The following USP34 variants were observed in gnomAD, a reference collection of about 807,000 sequenced individuals.
USP34 encodes ubiquitin specific peptidase 34.
Under a neutral mutation model 460.3 loss-of-function variants are expected in USP34, and 70 were observed. The ratio of observed to expected loss-of-function variants is 0.15; its 90% CI spans 0.13 to 0.19. The LOEUF (loss-of-function observed/expected upper bound fraction) is 0.19, where lower values mean the gene tolerates loss of function less well. Ranked by LOEUF, USP34 falls within the 10% of genes least tolerant of loss-of-function variation. The pLI, the probability that USP34 is intolerant of heterozygous loss-of-function variation, is 1.00. For synonymous variants in USP34, 1,647 were observed against 1,405.3 expected, an observed-to-expected ratio of 1.17 and a Z score of -3.85; for missense variants, 3,985 against 4,236.2, an observed-to-expected ratio of 0.94 and a Z score of 1.65.
intron 66 of USP34, among the ~76,000 whole-genome samples, chr2:61,220,827 G>C (rs1034800864): frequency 2.0e-5 from 3 of 152,142 alleles, no homozygotes; most frequent in South Asian, 4.2e-4. Flanking sequence ...TACTAAGTGA[G>C]AATACAAGAA....
chr2:61,273,850 G>T (rs1689292048), intron 41 of USP34, among the ~76,000 whole-genome samples: 1 of 151,980 alleles, frequency 6.6e-6, no homozygotes. Flanking sequence ...ATTTGAAAAA[G>T]GAAGCATTTG....
At chr2:61,326,623 C>A (rs1205493388) in intron 20 of USP34, among the ~76,000 whole-genome samples, 1 of 152,026 alleles carries the variant, frequency 6.6e-6, no homozygotes, top group Non-Finnish European at 1.5e-5. Flanking sequence ...AGTACTTGAG[C>A]ACTCAATGAA....
intron 32 of USP34, 90 bp from the exon 33 acceptor site, chr2:61,293,640 T>C: frequency 1.1e-6 from 1 of 874,126 alleles, no homozygotes; most frequent in Non-Finnish European, 1.8e-6. Context: ...ATGTAAAATA[T>C]TACGTATCTT....
At chr2:61,226,903 T>C (rs947768567) in intron 62 of USP34, 164 bp downstream of exon 62, 1 of 838,110 alleles carries the variant, frequency 1.2e-6, no homozygotes, top group Non-Finnish European at 1.7e-6. Context: ...AGTTGATGAA[T>C]AGTAGTATTA....
At chr2:61,229,416 G>C (rs2103826889) in intron 59 of USP34, 132 bp downstream of exon 59, 1 of 564,414 alleles carries the variant, frequency 1.8e-6, no homozygotes, top group South Asian at 3.4e-5. Flanking sequence ...GAACTTACGA[G>C]TTTGAGACCA....
intron 1 of USP34, among the ~76,000 whole-genome samples, chr2:61,446,640 A>G (rs914543878): frequency 6.6e-6 from 1 of 152,072 alleles, no homozygotes. Context: ...TACTAAAAAT[A>G]CAAAAATTAG....
intron 1 of USP34, among the ~76,000 whole-genome samples, chr2:61,445,850 A>C (rs1386229286): frequency 1.3e-5 from 2 of 151,902 alleles, no homozygotes; most frequent in Admixed American, 1.3e-4. Flanking sequence ...CGGGAGCCTG[A>C]GGCAGAAGTA....
chr2:61,451,670 G>A (rs989428426), intron 1 of USP34, among the ~76,000 whole-genome samples: 14 of 147,950 alleles, frequency 9.5e-5, no homozygotes, highest in South Asian at 4.3e-4. Context: ...CAACAAGAGC[G>A]AAACCCCGCC....
At chr2:61,226,012 T>C (rs973069861) in intron 62 of USP34, among the ~76,000 whole-genome samples, 18 of 152,208 alleles carry the variant, frequency 1.2e-4, no homozygotes, top group African/African-American at 4.3e-4. Flanking sequence ...TGGACTGTAA[T>C]GGCTATTCAC....
At chr2:61,321,549 T>C (rs1690923537) in intron 21 of USP34, among the ~76,000 whole-genome samples, 1 of 152,240 alleles carries the variant, frequency 6.6e-6, no homozygotes, top group African/African-American at 2.4e-5. Flanking sequence ...ATCACATTCA[T>C]ACAACATTTT....
intron 10 of USP34, among the ~76,000 whole-genome samples, chr2:61,353,374 G>A (rs1343867044): frequency 1.3e-5 from 2 of 150,552 alleles, no homozygotes; most frequent in Non-Finnish European, 3.0e-5. Context: ...AAGTCCACCT[G>A]TTGCACTTCC....
chr2:61,333,329 G>A (rs1365481901), intron 19 of USP34, among the ~76,000 whole-genome samples: 1 of 152,052 alleles, frequency 6.6e-6, no homozygotes, highest in Admixed American at 6.6e-5. Flanking sequence ...AATATTCGCA[G>A]AATGCATAGC....
chr2:61,390,471 T>G (rs1285606074), intron 5 of USP34, among the ~76,000 whole-genome samples: 1 of 152,232 alleles, frequency 6.6e-6, no homozygotes, highest in East Asian at 1.9e-4. Flanking sequence ...AAGCTGCATT[T>G]GCAAAGTAAG....
At position 61,288,357 on chromosome 2, in the gene USP34, T is replaced by C. The variant is rs532068232; in HGVS notation, c.4749+320A>G. The stretch of plus-strand genomic sequence containing the variant: ...ACACATACGTGTAAAACTGATTCTC[T>C]ATTTTAAATTTCCTATGTTGAAATA... On this transcript the variant is annotated intron_variant, in intron 34 of 79. Transcript: ENST00000398571. Among the ~76,000 whole-genome samples the C allele has an allele frequency of 3.9e-5, 6 of 152,360 alleles. No individual in the cohort carries two copies. In the South Asian group the frequency reaches 1.2e-3, roughly 32 times the overall value.
At chr2:61,232,320 T>C (rs1687930115) in intron 58 of USP34, 132 bp downstream of exon 58, 1 of 742,874 alleles carries the variant, frequency 1.3e-6, no homozygotes, top group Non-Finnish European at 2.2e-6. Flanking sequence ...AAATGACTTT[T>C]ATGATAGGAG....
In USP34 at chr2:61,314,993, G is replaced by T. The variant is rs201078286; in HGVS notation, c.3283-19C>A. 54 of 1,591,352 alleles carry T rather than the reference G, an allele frequency of 3.4e-5. No homozygotes were observed. In the East Asian group the frequency reaches 1.1e-3, roughly 34 times the overall value. On this transcript the variant is annotated intron_variant, in intron 23 of 79. Transcript: ENST00000398571. ...CACACAGCTAAGAAAGAAAAATATG[G>T]TATCTCTAAATTTTGTTTGTCAAAC...
At chr2:61,403,838 A>G (rs1465957721) in intron 3 of USP34, among the ~76,000 whole-genome samples, 1 of 151,704 alleles carries the variant, frequency 6.6e-6, no homozygotes, top group Non-Finnish European at 1.5e-5. Flanking sequence ...AATACAAAGA[A>G]AAAAATTAGC....
In USP34 at chr2:61,188,489, T is replaced by G. The variant is rs745579742; in HGVS notation, c.10254A>C (p.Glu3418Asp). 1 of 1,614,220 alleles carries G rather than the reference T, an allele frequency of 6.2e-7. No individual in the cohort carries two copies. Among genetic ancestry groups the G allele is most frequent in the East Asian group, 2.2e-5 (1 of 44,890 alleles). ...ENSSVKEYRM[E>D]VPSSFSEDMS... ...TGTCTTCTGAAAACGAAGATGGAAC[T>G]TCCATTCGGTATTCTTTAACAGAAC... The change falls in exon 80 of 80, where the codon GAA (glutamate) becomes GAC (aspartate). Residue 3418 changes from glutamate to aspartate, a missense_variant. Glu to Asp is a conservative substitution (Grantham distance 45). This residue lies in a region of USP34 where 506 missense variants were observed against 439.0 expected (regional missense o/e 1.15). Transcript: ENST00000398571.
chr2:61,288,582 A>G (rs1347267517), intron 34 of USP34, 95 bp downstream of exon 34: 2 of 1,305,908 alleles, frequency 1.5e-6, no homozygotes, highest in Non-Finnish European at 1.1e-6. Flanking sequence ...GTTAAGTCAC[A>G]GTAATCTAGA....
Sources: allele counts gnomAD v4.1 joint callset (sites outside exome capture counted in the v4.1 genomes callset), GRCh38; gene constraint gnomAD v4.1.1; regional missense constraint gnomAD v4.1.1; transcripts MANE v1.5; gene names NCBI Gene and HGNC (gene_info 2026-07-23, HGNC 2026-07-21).